Variants in DUS2 observed in about 807,000 individuals in gnomAD.
DUS2 encodes the protein tRNA-dihydrouridine(20) synthase [NAD(P)+]-like.
Under a neutral mutation model 71.3 loss-of-function variants are expected in DUS2, and 52 were observed. That is an observed-to-expected ratio of 0.73 (90% confidence interval 0.58 to 0.92). The LOEUF (loss-of-function observed/expected upper bound fraction) is 0.92, where lower values mean the gene tolerates loss of function less well. DUS2 is among the 40% of genes least tolerant of loss of function. The probability of loss-of-function intolerance (pLI) is 0.00; values close to 1 mark genes in which losing one functional copy is unlikely to be tolerated. For missense variants in DUS2, 558 were observed against 622.6 expected (o/e 0.90, Z 1.10); for synonymous variants, 204 against 227.8 (o/e 0.90, Z 0.94).
At chr16:68,069,869 T>C (rs927030226) in intron 10 of DUS2, among the ~76,000 whole-genome samples, 3 of 152,122 alleles carry the variant, frequency 2.0e-5, no homozygotes, top group African/African-American at 7.2e-5. Context: ...CCACCCACCA[T>C]GCCCCCCTGC....
chr16:68,061,035 G>A, intron 7 of DUS2, 31 bp from the exon 8 acceptor site: 1 of 1,610,922 alleles, frequency 6.2e-7, no homozygotes, highest in Non-Finnish European at 8.5e-7. Context: ...TCTCCCAGAT[G>A]TAAGAAGACC....
intron 2 of DUS2, among the ~76,000 whole-genome samples, chr16:68,036,944 C>G (rs1030255629): frequency 3.9e-5 from 6 of 151,992 alleles, no homozygotes; most frequent in African/African-American, 7.3e-5. Flanking sequence ...GTTGACTTCT[C>G]TATTTCAAAT....
intron 14 of DUS2, among the ~76,000 whole-genome samples, chr16:68,075,897 C>G (rs949496825): frequency 2.0e-5 from 3 of 152,154 alleles, no homozygotes; most frequent in Non-Finnish European, 2.9e-5. Context: ...CCCAGTGCCC[C>G]TCACCAGCTC....
intron 13 of DUS2, 86 bp downstream of exon 13, chr16:68,074,241 C>A: frequency 6.6e-7 from 1 of 1,525,698 alleles, no homozygotes. Context: ...CACCAGGGGA[C>A]CAGGGACACA....
At chr16:68,027,721 G>A (rs1325059656) in intron 2 of DUS2, among the ~76,000 whole-genome samples, 2 of 152,252 alleles carry the variant, frequency 1.3e-5, no homozygotes, top group African/African-American at 2.4e-5. Context: ...TCCATGCCAG[G>A]ACAGGAATGA....
chr16:68,067,118 TCCTCC>T (rs1383889206), intron 10 of DUS2, among the ~76,000 whole-genome samples: 4 of 58,436 alleles, frequency 6.8e-5, no homozygotes, highest in Admixed American at 1.8e-4. Context: ...CTTCTTTCCT[TCCTCC>T]CCTCCCCTCC....
At chr16:68,057,038 T>C (rs1409515248) in intron 7 of DUS2, among the ~76,000 whole-genome samples, 1 of 132,772 alleles carries the variant, frequency 7.5e-6, no homozygotes, top group Non-Finnish European at 1.6e-5. Context: ...TAAATATATG[T>C]AATATATATT....
At chr16:68,069,105 G>T (rs1304622035) in intron 10 of DUS2, among the ~76,000 whole-genome samples, 1 of 151,988 alleles carries the variant, frequency 6.6e-6, no homozygotes, top group African/African-American at 2.4e-5. Context: ...TATAGTAGAG[G>T]GGCCCGGGCG....
rs369152967 is a variant in DUS2, at chr16:68,070,240, C to A, written c.641+20C>A. On this transcript the variant is annotated intron_variant, in intron 11 of 16. Coordinates refer to ENST00000565263, the MANE Select transcript of DUS2 (RefSeq NM_017803.5). Reference sequence around the variant, plus strand: ...AGCCAAGTAAGCCTCCTGTCTTCATCATGTACTCTGTGTCCCACAGAGCTA... The same window carrying A: ...AGCCAAGTAAGCCTCCTGTCTTCATAATGTACTCTGTGTCCCACAGAGCTA... 7.5e-6 allele frequency: 12 copies of A among 1,609,132 alleles called. No homozygotes were observed. Among genetic ancestry groups the A allele is most frequent in the Non-Finnish European group, 1.0e-5 (12 of 1,175,704 alleles).
intron 3 of DUS2, among the ~76,000 whole-genome samples, chr16:68,045,910 G>A (rs974402103): frequency 6.6e-5 from 10 of 151,900 alleles, no homozygotes; most frequent in Non-Finnish European, 1.0e-4. Context: ...TAGTTACGGG[G>A]TTTCACCATG....
intron 8 of DUS2, among the ~76,000 whole-genome samples, chr16:68,062,047 G>T (rs1238073281): frequency 3.3e-5 from 5 of 152,048 alleles, no homozygotes; most frequent in African/African-American, 4.8e-5. Flanking sequence ...GTCTTGCTCT[G>T]TCACCCAGGC....
At chr16:68,070,261 A>AGTACAT in intron 11 of DUS2, 41 bp downstream of exon 11, 1 of 1,595,128 alleles carries the variant, frequency 6.3e-7, no homozygotes, top group Non-Finnish European at 8.6e-7. Context: ...TGTCCCACAG[A>AGTACAT]GCTAAGGGCT....
chr16:68,024,486 T>C (rs1327372087), intron 1 of DUS2, among the ~76,000 whole-genome samples: 2 of 152,218 alleles, frequency 1.3e-5, no homozygotes, highest in Non-Finnish European at 2.9e-5. Flanking sequence ...TAAATATTTA[T>C]GGATTAACTC....
intron 13 of DUS2, 113 bp from the exon 14 acceptor site, chr16:68,075,242 G>C: frequency 7.6e-6 from 8 of 1,058,048 alleles, no homozygotes; most frequent in Non-Finnish European, 1.0e-5. Flanking sequence ...CCCCGGTGGT[G>C]TTTTGGTGTA....
At chr16:68,043,808 G>A (rs1421976022) in intron 3 of DUS2, among the ~76,000 whole-genome samples, 1 of 152,120 alleles carries the variant, frequency 6.6e-6, no homozygotes, top group Non-Finnish European at 1.5e-5. Flanking sequence ...GGGACTACAG[G>A]TGCATGCCCC....
At position 68,056,401 on chromosome 16, in the gene DUS2, T is replaced by C. The variant is rs2033851324; in HGVS notation, c.346T>C (p.Cys116Arg). ...DVAGIDVNMGCPKQYSTKGGM... is the reference protein window; with the variant it reads ...DVAGIDVNMGRPKQYSTKGGM... ...GGCTGGTATTGATGTCAACATGGGC[T>C]GTCCAAAACAATATTCCACCAAGGT... The change falls in exon 7 of 17, where the codon TGT becomes CGT. Residue 116 changes from cysteine (C) to arginine (R), a missense_variant. Physicochemically the swap from Cys to Arg is radical, Grantham distance 180. Coordinates refer to ENST00000565263, the MANE Select transcript of DUS2 (RefSeq NM_017803.5). 1 of 1,613,878 alleles carries C rather than the reference T, an allele frequency of 6.2e-7. No homozygotes were observed. Among genetic ancestry groups the C allele is most frequent in the Non-Finnish European group, 8.5e-7 (1 of 1,179,894 alleles).
At chr16:68,075,762 GA>G (rs1400982572) in intron 14 of DUS2, among the ~76,000 whole-genome samples, 2 of 152,162 alleles carry the variant, frequency 1.3e-5, no homozygotes, top group East Asian at 3.8e-4. Flanking sequence ...GGGCAGGGGG[GA>G]CTTGTCTCCT....
At position 68,074,108 on chromosome 16, in the gene DUS2, G is replaced by A. The variant is rs2034124925; in HGVS notation, c.885G>A (p.Ser295=). 14 of 1,614,172 alleles carry A rather than the reference G, an allele frequency of 8.7e-6. No homozygotes were observed. In the South Asian group the frequency reaches 1.3e-4, roughly 15 times the overall value. ...LCQMLREQLE[S]PQGRLLHAAQ... ...AGATGCTACGAGAACAGCTGGAGTCGCCCCAGGGAAGGTTGCTCCATGCTG... is the reference window on the plus strand; with the variant it reads ...AGATGCTACGAGAACAGCTGGAGTCACCCCAGGGAAGGTTGCTCCATGCTG... The change falls in exon 13 of 17, where the codon TCG becomes TCA. Residue 295 remains serine, a synonymous_variant. Coordinates refer to ENST00000565263, the MANE Select transcript of DUS2 (RefSeq NM_017803.5).
At chr16:68,050,217 A>G (rs1188619910) in intron 4 of DUS2, among the ~76,000 whole-genome samples, 1 of 151,834 alleles carries the variant, frequency 6.6e-6, no homozygotes, top group Non-Finnish European at 1.5e-5. Flanking sequence ...GGTTCACTGC[A>G]ACCTCTGCCT....
Sources: allele counts gnomAD v4.1 joint callset (sites outside exome capture counted in the v4.1 genomes callset), GRCh38; gene constraint gnomAD v4.1.1; transcripts MANE v1.5; gene names NCBI Gene and HGNC (gene_info 2026-07-23, HGNC 2026-07-21).